The following FNBP1 variants were observed in gnomAD, a reference collection of about 807,000 sequenced individuals.
The protein encoded by FNBP1 is formin binding protein 1.
In FNBP1, 26 loss-of-function variants were observed where a neutral mutation model predicts 90.6. That is an observed-to-expected ratio of 0.29 (90% CI 0.21 to 0.40). FNBP1 has a LOEUF of 0.40. Among genes scored for constraint, FNBP1 ranks in the 10% least tolerant of loss-of-function variants. The pLI, the probability that FNBP1 is intolerant of heterozygous loss-of-function variation, is 1.00. For synonymous variants in FNBP1, 260 were observed against 265.2 expected (o/e 0.98, Z 0.19); for missense variants, 635 against 768.0 (o/e 0.83, Z 2.05).
chr9:130,050,224 C>G, the FNBP1 span, among the ~76,000 whole-genome samples: 135 of 152,184 alleles, frequency 8.9e-4, 1 homozygote, highest in African/African-American at 3.2e-3. Flanking sequence ...AGGATAAAAC[C>G]AGGAACTCCA....
chr9:129,981,472 T>C (rs77460367), intron 2 of FNBP1, among the ~76,000 whole-genome samples: 2,914 of 152,278 alleles, frequency 0.019, 38 homozygotes, highest in Non-Finnish European at 0.029. Flanking sequence ...CTATTCCTCT[T>C]TATTATTTCA....
intron 6 of FNBP1, among the ~76,000 whole-genome samples, chr9:129,943,992 C>CAAAAAAAAAAAA (rs397936316): frequency 3.3e-5 from 2 of 59,932 alleles, no homozygotes; most frequent in African/African-American, 7.1e-5. Flanking sequence ...GACTCCATCT[C>CAAAAAAAAAAAA]AAAAAAAAAA....
At chr9:129,980,907 T>G (rs1007684345) in intron 2 of FNBP1, among the ~76,000 whole-genome samples, 3 of 151,520 alleles carry the variant, frequency 2.0e-5, no homozygotes, top group African/African-American at 7.3e-5. Context: ...AAAAATTAGC[T>G]GGGCATGGTG....
chr9:129,994,810 G>T, intron 2 of FNBP1, 33 bp downstream of exon 2: 1 of 976,798 alleles, frequency 1.0e-6, no homozygotes, highest in Non-Finnish European at 1.6e-6. Flanking sequence ...TCATTTTGCA[G>T]TTAACAAATA....
At chr9:129,992,501 C>G (rs2053329412) in intron 2 of FNBP1, among the ~76,000 whole-genome samples, 1 of 151,674 alleles carries the variant, frequency 6.6e-6, no homozygotes, top group South Asian at 2.1e-4. Context: ...CACCTGTAAT[C>G]CCAGCTTGCT....
chr9:129,968,395 CAAAAAAAAAAAAA>C (rs775896038), intron 4 of FNBP1, among the ~76,000 whole-genome samples: 3 of 69,132 alleles, frequency 4.3e-5, no homozygotes, highest in African/African-American at 1.5e-4. Flanking sequence ...AACTCCGTCT[CAAAAAAAAAAAAA>C]AAAAAAAAAT....
chr9:129,969,949 C>T (rs62583633), intron 4 of FNBP1, among the ~76,000 whole-genome samples: 8,581 of 142,828 alleles, frequency 0.06, 344 homozygotes, highest in Middle Eastern at 0.15. Flanking sequence ...AGTGCAGTGG[C>T]GCGATCTCGG....
upstream of FNBP1, among the ~76,000 whole-genome samples, chr9:130,046,048 T>G (rs1161103506): frequency 6.6e-6 from 1 of 152,178 alleles, no homozygotes; most frequent in Non-Finnish European, 1.5e-5. Flanking sequence ...GAACACTGAT[T>G]TACAAAATTA....
chr9:129,930,159 C>T (rs1332148273), intron 6 of FNBP1, among the ~76,000 whole-genome samples: 4 of 151,860 alleles, frequency 2.6e-5, no homozygotes, highest in African/African-American at 7.3e-5. Flanking sequence ...CTCCTGGGTT[C>T]AAGCAATCCT....
chr9:129,962,614 C>G (rs1025441934), intron 4 of FNBP1, among the ~76,000 whole-genome samples: 3 of 152,210 alleles, frequency 2.0e-5, no homozygotes, highest in African/African-American at 7.2e-5. Context: ...GTTTTCTTGT[C>G]TCTCTTTTGA....
intron 6 of FNBP1, among the ~76,000 whole-genome samples, chr9:129,934,824 G>A (rs949274438): frequency 6.6e-6 from 1 of 151,716 alleles, no homozygotes; most frequent in South Asian, 2.1e-4. Flanking sequence ...TGCCTGCCTC[G>A]GCCTGCGTTA....
In FNBP1 at chr9:129,978,513, A is replaced by C. The variant is rs756620156; in HGVS notation, c.297T>G (p.Ile99Met). 1.2e-6 allele frequency: 2 copies of C among 1,613,788 alleles called. No homozygotes were observed. Among genetic ancestry groups the C allele is most frequent in the Non-Finnish European group, 1.7e-6 (2 of 1,179,736 alleles). Residue 99 changes from isoleucine to methionine, a missense_variant, in exon 4 of 17, where the codon ATT becomes ATG. Physicochemically the swap from Ile to Met is conservative, Grantham distance 10. Coordinates refer to ENST00000446176, the MANE Select transcript of FNBP1 (RefSeq NM_015033.3). ...VISENMASQI[I>M]VDLARYVQEL... Reference sequence around the variant, plus strand: ...CCTGAACATAGCGTGCCAAGTCCACAATGATCTGTGATGCCATGTTCTCGG... The same window carrying C: ...CCTGAACATAGCGTGCCAAGTCCACCATGATCTGTGATGCCATGTTCTCGG...
intron 15 of FNBP1, among the ~76,000 whole-genome samples, chr9:129,898,455 G>A (rs925305449): frequency 2.0e-5 from 3 of 151,128 alleles, no homozygotes; most frequent in Non-Finnish European, 4.4e-5. Context: ...TGTCCTCCCC[G>A]TTCCTCTGTA....
chr9:129,924,812 GAA>G, intron 9 of FNBP1, 146 bp downstream of exon 9: 1 of 709,788 alleles, frequency 1.4e-6, no homozygotes, highest in Non-Finnish European at 2.3e-6. Context: ...CCACCAAAAA[GAA>G]ATACTGTCTC....
At chr9:130,027,720 C>T (rs1453322750) in intron 1 of FNBP1, among the ~76,000 whole-genome samples, 1 of 152,096 alleles carries the variant, frequency 6.6e-6, no homozygotes, top group African/African-American at 2.4e-5. Context: ...GGAAGCCCTT[C>T]ACTCATATGG....
intron 7 of FNBP1, among the ~76,000 whole-genome samples, chr9:129,928,677 A>AG (rs1313858332): frequency 3.3e-5 from 5 of 152,014 alleles, no homozygotes; most frequent in East Asian, 1.9e-4. Context: ...AAAAAAGAAA[A>AG]AAAGAAAAAA....
At chr9:129,943,929 C>G (rs572926100) in intron 6 of FNBP1, among the ~76,000 whole-genome samples, 5,214 of 131,106 alleles carry the variant, frequency 0.04, 90 homozygotes, top group South Asian at 0.073. Flanking sequence ...GGAAGCAGAG[C>G]TTGCAGTGAG....
intron 6 of FNBP1, among the ~76,000 whole-genome samples, chr9:129,953,257 G>A (rs369503114): frequency 5.9e-5 from 9 of 151,906 alleles, no homozygotes; most frequent in Non-Finnish European, 8.8e-5. Context: ...AGGCTGAGGC[G>A]GGCAGATCAC....
intron 8 of FNBP1, among the ~76,000 whole-genome samples, chr9:129,925,501 A>G (rs1442890925): frequency 6.6e-6 from 1 of 150,734 alleles, no homozygotes; most frequent in Non-Finnish European, 1.5e-5. Context: ...GTGAGACTCC[A>G]TCTCAAAAAA....
Sources: gnomAD v4.1 joint callset for allele counts (sites outside exome capture counted in the v4.1 genomes callset) on GRCh38, gnomAD v4.1.1 for gene constraint, MANE v1.5 for transcripts, NCBI Gene and HGNC (gene_info 2026-07-23, HGNC 2026-07-21) for gene names.